Variants in NUMA1 observed in about 807,000 individuals in gnomAD.
The protein encoded by NUMA1 is SP-H antigen.
NUMA1 carries 62 observed loss-of-function variants against 237.1 expected under a neutral mutation model. The ratio of observed to expected loss-of-function variants is 0.26; its 90% CI spans 0.21 to 0.32. NUMA1 has a LOEUF of 0.32. NUMA1 is among the 10% of genes least tolerant of loss of function. NUMA1 has a pLI of 1.00. For missense variants in NUMA1, 2,533 were observed against 2,666.5 expected (o/e 0.95, Z 1.10); for synonymous variants, 1,028 against 1,066.1 (o/e 0.96, Z 0.70).
intron 1 of NUMA1, among the ~76,000 whole-genome samples, chr11:72,074,831 C>T (rs964153778): frequency 2.3e-4 from 34 of 148,826 alleles, no homozygotes; most frequent in Admixed American, 1.9e-3. Flanking sequence ...GTCAGGAGTT[C>T]GAGACCAGCC....
chr11:72,007,212 T>C lies in NUMA1; in HGVS notation c.5440A>G (p.Ile1814Val). 6.2e-7 allele frequency: 1 copy of C among 1,610,794 alleles called. No individual in the cohort carries two copies. The highest frequency in any genetic ancestry group is 8.5e-7 in the Non-Finnish European group (1 of 1,179,966). Residue 1814 changes from isoleucine to valine, a missense_variant, in exon 21 of 27, where the codon ATC becomes GTC. Physicochemically the swap from Ile to Val is conservative, Grantham distance 29. This residue lies in a region of NUMA1 where 795 missense variants were observed against 750.8 expected (regional missense o/e 1.06). Coordinates refer to ENST00000393695, the MANE Select transcript of NUMA1 (RefSeq NM_006185.4). ...TRSARRRTTQ[I>V]INITMTKKLD... ...ACCTTGGTCATGGTGATGTTGATGATCTGCGTGGTGCGCCGACGAGCGGAG... is the reference window on the plus strand; with the variant it reads ...ACCTTGGTCATGGTGATGTTGATGACCTGCGTGGTGCGCCGACGAGCGGAG...
intron 2 of NUMA1, among the ~76,000 whole-genome samples, chr11:72,058,335 G>C (rs1942773202): frequency 6.6e-6 from 1 of 152,100 alleles, no homozygotes; most frequent in African/African-American, 2.4e-5. Flanking sequence ...TCTGTTTTTA[G>C]AAAACTAGGT....
chr11:72,057,589 C>T (rs1394337609), intron 2 of NUMA1, among the ~76,000 whole-genome samples: 1 of 146,118 alleles, frequency 6.8e-6, no homozygotes, highest in Non-Finnish European at 1.5e-5. Flanking sequence ...ACTAAAAATA[C>T]AAAAATCAGT....
chr11:72,063,953 T>TA (rs200132387), intron 2 of NUMA1, among the ~76,000 whole-genome samples: 4,324 of 136,962 alleles, frequency 0.032, 61 homozygotes, highest in East Asian at 0.07. Context: ...CAAAAAGAAT[T>TA]AAAAAAAAAA....
At chr11:72,038,794 C>A (rs1035949910) in intron 2 of NUMA1, among the ~76,000 whole-genome samples, 2 of 151,904 alleles carry the variant, frequency 1.3e-5, no homozygotes, top group Non-Finnish European at 2.9e-5. Context: ...GTCCCCCCCA[C>A]AACCCTCACT....
intron 1 of NUMA1, among the ~76,000 whole-genome samples, chr11:72,079,133 C>G (rs1943872787): frequency 6.6e-6 from 1 of 152,138 alleles, no homozygotes; most frequent in African/African-American, 2.4e-5. Flanking sequence ...GAAATTATTC[C>G]AAAGCATACA....
intron 2 of NUMA1, among the ~76,000 whole-genome samples, chr11:72,052,456 G>A (rs1315581413): frequency 6.6e-6 from 1 of 152,136 alleles, no homozygotes; most frequent in African/African-American, 2.4e-5. Context: ...TTAGGGAGGT[G>A]CATCAGATGA....
At chr11:72,039,721 T>C (rs1351464189) in intron 2 of NUMA1, 1 of 152,172 alleles carries the variant, frequency 6.6e-6, no homozygotes, top group Admixed American at 6.5e-5. Flanking sequence ...CTTGCAAAAT[T>C]TACCACCACT....
rs1170415750 is a variant in NUMA1 at position 72,006,272 on chromosome 11, CAG to C, written c.5464-11_5464-10del. Reference sequence around the variant, plus strand: ...TCTTCCACATCTAGCTTCTGGAAGACAGAGTGAATCTGTTGCAGTGTACAGTC... The same window carrying C: ...TCTTCCACATCTAGCTTCTGGAAGACAGTGAATCTGTTGCAGTGTACAGTC... On this transcript the variant is annotated splice_polypyrimidine_tract_variant and intron_variant, in intron 21 of 26. Transcript: ENST00000393695. The C allele has an allele frequency of 6.2e-7, 1 of 1,611,650 alleles. No homozygotes were observed. Among genetic ancestry groups the C allele is most frequent in the Non-Finnish European group, 8.5e-7 (1 of 1,177,926 alleles).
Position 72,013,998 on chromosome 11 carries a change from C to T in NUMA1, c.3505G>A (p.Gly1169Ser), listed in dbSNP as rs770642917. The change falls in exon 15 of 27, where the codon GGC becomes AGC. Residue 1169 changes from glycine to serine, a missense_variant. By Grantham distance (56) the Gly-to-Ser change is moderately conservative. Coordinates refer to ENST00000393695, the MANE Select transcript of NUMA1 (RefSeq NM_006185.4). The surrounding 1 kb of genome is among the most constrained non-coding windows in gnomAD (Gnocchi z 6.8). ...TCCTGGGCCTTCTCCTCTAACTGGC[C>T]CTGCAGAGTCTCCAGAGCACTGTCC... ...ERDSALETLQ[G>S]QLEEKAQELG... 5.6e-6 allele frequency: 9 copies of T among 1,612,316 alleles called. No homozygotes were observed. Among genetic ancestry groups the T allele is most frequent in the Non-Finnish European group, 7.6e-6 (9 of 1,179,948 alleles).
intron 5 of NUMA1, among the ~76,000 whole-genome samples, chr11:72,023,496 G>A (rs1939166683): frequency 6.6e-6 from 1 of 152,172 alleles, no homozygotes; most frequent in African/African-American, 2.4e-5. Flanking sequence ...TTCCAACTGA[G>A]GTCACAGAGT....
chr11:72,021,136 A>G (rs369643770), intron 8 of NUMA1, 68 bp downstream of exon 8: 22 of 1,290,536 alleles, frequency 1.7e-5, no homozygotes, highest in East Asian at 6.9e-5. Flanking sequence ...ACCATACTTG[A>G]CAACTCAGGA....
In NUMA1 at chr11:72,015,696, G is replaced by T; in HGVS notation, c.1807C>A (p.Leu603Ile). Residue 603 changes from leucine (L) to isoleucine (I), a missense_variant, in exon 15 of 27, where the codon CTC becomes ATC. Coordinates refer to ENST00000393695, the MANE Select transcript of NUMA1 (RefSeq NM_006185.4). This position sits in a 1 kb window ranked among gnomAD's most constrained non-coding sequence, Gnocchi z 4.0. ...EASLRERDAA[L>I]KQLEALEKEK... ...TTCTCCAGTGCCTCCAGCTGCTTGAGAGCCGCATCCCGCTCCCTTAAGGAG... is the reference window on the plus strand; with the variant it reads ...TTCTCCAGTGCCTCCAGCTGCTTGATAGCCGCATCCCGCTCCCTTAAGGAG... 5 of 1,614,012 alleles carry T rather than the reference G, an allele frequency of 3.1e-6. No homozygotes were observed. Among genetic ancestry groups the T allele is most frequent in the Non-Finnish European group, 3.4e-6 (4 of 1,180,030 alleles).
At chr11:72,025,624 A>G (rs1476430113) in intron 4 of NUMA1, among the ~76,000 whole-genome samples, 1 of 150,558 alleles carries the variant, frequency 6.6e-6, no homozygotes, top group Non-Finnish European at 1.5e-5. Flanking sequence ...TGCTTCTCAG[A>G]ATCTACACTC....
intron 17 of NUMA1, 29 bp from the exon 18 acceptor site, chr11:72,009,416 G>T (rs1445321174): frequency 3.8e-6 from 6 of 1,577,610 alleles, no homozygotes; most frequent in Non-Finnish European, 4.3e-6. Context: ...CAGGAAAGCT[G>T]GTCTGGCCGC....
chr11:72,074,806 G>T (rs1339931584), intron 1 of NUMA1, among the ~76,000 whole-genome samples: 1 of 149,282 alleles, frequency 6.7e-6, no homozygotes, highest in African/African-American at 2.5e-5. Flanking sequence ...GGCTGAGGCG[G>T]GTGGATCACC....
rs1443458575 is a variant in NUMA1 at position 72,005,140 on chromosome 11, G to A, written c.5829+93C>T. ...CCCTCCCCCTCCTCGGCCAGTCAGTGATCCAGGGCCCTAGTGCTCAGGCTA... is the reference window on the plus strand; with the variant it reads ...CCCTCCCCCTCCTCGGCCAGTCAGTAATCCAGGGCCCTAGTGCTCAGGCTA... On this transcript the variant is annotated intron_variant, in intron 23 of 26. Coordinates refer to ENST00000393695, the MANE Select transcript of NUMA1 (RefSeq NM_006185.4). The A allele has an allele frequency of 6.6e-6, 9 of 1,369,638 alleles. No individual in the cohort carries two copies. In the African/African-American group the frequency reaches 8.9e-5, roughly 14 times the overall value. The allele number at this position is 1,369,638 out of a possible 1,614,324, so 84.8% of individuals were successfully genotyped here. A position where few individuals can be genotyped will look rare whatever the true frequency, so the allele number is the denominator to read the frequency against.
intron 9 of NUMA1, 126 bp from the exon 10 acceptor site, chr11:72,019,106 G>T (rs1938355263): frequency 1.9e-6 from 2 of 1,051,568 alleles, no homozygotes; most frequent in Non-Finnish European, 2.7e-6. Flanking sequence ...CTGTGCACCT[G>T]GGTTGTTTGC....
At chr11:72,060,778 A>T (rs1203672324) in intron 2 of NUMA1, among the ~76,000 whole-genome samples, 2 of 152,084 alleles carry the variant, frequency 1.3e-5, no homozygotes, top group Non-Finnish European at 2.9e-5. Context: ...TACAAAAAAT[A>T]AAAAAAATTA....
Sources: allele counts gnomAD v4.1 joint callset (sites outside exome capture counted in the v4.1 genomes callset), GRCh38; gene constraint gnomAD v4.1.1; regional missense constraint gnomAD v4.1.1; non-coding constraint Gnocchi (gnomAD v3.1); transcripts MANE v1.5; gene names NCBI Gene and HGNC (gene_info 2026-07-23, HGNC 2026-07-21).